TENM3: variants seen among roughly 807,000 people sequenced by gnomAD.
TENM3 encodes the protein teneurin transmembrane protein 3.
TENM3 carries 63 observed loss-of-function variants against 255.1 expected under a neutral mutation model. The ratio of observed to expected loss-of-function variants is 0.25; its 90% CI spans 0.20 to 0.30. TENM3 has a LOEUF of 0.30. Among genes scored for constraint, TENM3 ranks in the 10% least tolerant of loss-of-function variants. TENM3 has a pLI of 1.00. For missense variants in TENM3, 2,929 were observed against 3,461.1 expected (o/e 0.85, Z 3.86); for synonymous variants, 1,306 against 1,322.3 (o/e 0.99, Z 0.27).
the TENM3 span, among the ~76,000 whole-genome samples, chr4:181,945,405 G>T: frequency 6.6e-6 from 1 of 152,106 alleles, no homozygotes; most frequent in Non-Finnish European, 1.5e-5. Context: ...CTCGGAGCAC[G>T]TGGGGACGTA....
chr4:182,319,849 C>T (rs1345420262), intron 1 of TENM3, among the ~76,000 whole-genome samples: 2 of 152,170 alleles, frequency 1.3e-5, no homozygotes, highest in African/African-American at 2.4e-5. Flanking sequence ...CTGCAGCTCA[C>T]GCCTGTAAAT....
chr4:182,769,456 G>A (rs1763992731), intron 22 of TENM3, among the ~76,000 whole-genome samples: 1 of 152,022 alleles, frequency 6.6e-6, no homozygotes, highest in African/African-American at 2.4e-5. Context: ...TGTGGAGAAT[G>A]TTTTCATCAT....
chr4:182,786,401 T>C (rs1311972293), intron 24 of TENM3, among the ~76,000 whole-genome samples: 1 of 151,632 alleles, frequency 6.6e-6, no homozygotes, highest in East Asian at 1.9e-4. Context: ...CTACTAAAAA[T>C]ACAAAAATTA....
the TENM3 span, among the ~76,000 whole-genome samples, chr4:181,920,911 T>C: frequency 6.6e-6 from 1 of 152,228 alleles, no homozygotes; most frequent in Non-Finnish European, 1.5e-5. Context: ...GATTTTTGTA[T>C]AAGGTGTAAG....
chr4:182,592,897 A>G (rs1180224934), intron 3 of TENM3, among the ~76,000 whole-genome samples: 1 of 152,226 alleles, frequency 6.6e-6, no homozygotes, highest in Non-Finnish European at 1.5e-5. Context: ...AGAAATGAAG[A>G]CTTTAATTCC....
At chr4:182,513,366 A>G (rs1478848101) in intron 3 of TENM3, among the ~76,000 whole-genome samples, 1 of 152,206 alleles carries the variant, frequency 6.6e-6, no homozygotes, top group East Asian at 1.9e-4. Flanking sequence ...GGAAACATAC[A>G]TAGAAAATGG....
At chr4:181,502,829 C>T in the TENM3 span, among the ~76,000 whole-genome samples, 9 of 152,262 alleles carry the variant, frequency 5.9e-5, no homozygotes, top group East Asian at 1.2e-3. Context: ...GGTAGGTGGC[C>T]TCACAGGTGT....
chr4:182,471,111 C>T (rs889736283), intron 3 of TENM3, among the ~76,000 whole-genome samples: 4 of 152,020 alleles, frequency 2.6e-5, no homozygotes, highest in Non-Finnish European at 2.9e-5. Flanking sequence ...AGCTGGGCCA[C>T]GGAGAGGAAA....
At chr4:182,000,065 T>A in the TENM3 span, among the ~76,000 whole-genome samples, 11 of 152,144 alleles carry the variant, frequency 7.2e-5, no homozygotes, top group African/African-American at 2.7e-4. Flanking sequence ...TTGGTGAAAA[T>A]TTAGTCTACA....
chr4:181,801,305 G>C, the TENM3 span, among the ~76,000 whole-genome samples: 1 of 152,070 alleles, frequency 6.6e-6, no homozygotes, highest in South Asian at 2.1e-4. Context: ...AACAGTGACA[G>C]GTTCTGCAAA....
the TENM3 span, among the ~76,000 whole-genome samples, chr4:181,833,624 A>G: frequency 6.6e-6 from 1 of 151,894 alleles, no homozygotes; most frequent in African/African-American, 2.4e-5. Flanking sequence ...CACACCTTTA[A>G]CTGAGGGGGA....
At chr4:181,835,193 G>T in the TENM3 span, 1 of 152,186 alleles carries the variant, frequency 6.6e-6, no homozygotes, top group Admixed American at 6.5e-5. Flanking sequence ...AATTCGGTCT[G>T]TTAGAGAAGG....
chr4:182,305,792 T>G (rs1324370927), intron 1 of TENM3, among the ~76,000 whole-genome samples: 1 of 152,234 alleles, frequency 6.6e-6, no homozygotes, highest in African/African-American at 2.4e-5. Context: ...AATGCCAGTT[T>G]GATGCGTGGT....
chr4:182,503,260 G>T (rs886931125), intron 3 of TENM3, among the ~76,000 whole-genome samples: 3 of 152,038 alleles, frequency 2.0e-5, no homozygotes, highest in Non-Finnish European at 2.9e-5. Context: ...TTTATATTTA[G>T]ACTTTCAACC....
the TENM3 span, among the ~76,000 whole-genome samples, chr4:181,761,835 A>C: frequency 5.3e-5 from 8 of 152,360 alleles, no homozygotes; most frequent in East Asian, 1.5e-3. Flanking sequence ...CATAGGTTTT[A>C]ACATTTAAGG....
chr4:182,358,037 G>A (rs1242056025), intron 3 of TENM3, among the ~76,000 whole-genome samples: 2 of 149,786 alleles, frequency 1.3e-5, no homozygotes, highest in South Asian at 2.1e-4. Flanking sequence ...TAGATATGCG[G>A]CGTTATTTCT....
At chr4:182,708,319 C>A (rs1402435913) in intron 12 of TENM3, among the ~76,000 whole-genome samples, 1 of 152,072 alleles carries the variant, frequency 6.6e-6, no homozygotes, top group Admixed American at 6.6e-5. Context: ...GTCAGAGCTA[C>A]GAGATAGAGG....
chr4:181,976,854 A>G, the TENM3 span, among the ~76,000 whole-genome samples: 1 of 152,306 alleles, frequency 6.6e-6, no homozygotes, highest in African/African-American at 2.4e-5. Context: ...AAATCAGGGG[A>G]GAAAAGAAGG....
the TENM3 span, among the ~76,000 whole-genome samples, chr4:181,731,430 C>T: frequency 1.6e-4 from 24 of 152,276 alleles, no homozygotes; most frequent in Admixed American, 3.3e-4. Flanking sequence ...CAGCTCACTA[C>T]AACCTCGACC....
Sources: gnomAD v4.1 joint callset for allele counts (sites outside exome capture counted in the v4.1 genomes callset) on GRCh38, gnomAD v4.1.1 for gene constraint, MANE v1.5 for transcripts, NCBI Gene and HGNC (gene_info 2026-07-23, HGNC 2026-07-21) for gene names.